The following EYS variants were observed in gnomAD, a reference collection of about 807,000 sequenced individuals.
EYS encodes the protein protein eyes shut homolog.
Under a neutral mutation model 282.1 loss-of-function variants are expected in EYS, and 250 were observed. The observed-to-expected ratio is 0.89, with a 90% CI of 0.80 to 0.98. EYS has a LOEUF of 0.98. EYS is among the 50% of genes least tolerant of loss of function. The pLI is 0.00. For synonymous variants in EYS, 1,355 were observed against 1,282.9 expected, an observed-to-expected ratio of 1.06 and a Z score of -1.20; for missense variants, 4,016 against 3,709.0, an observed-to-expected ratio of 1.08 and a Z score of -2.15.
At chr6:65,154,112 G>C (rs1439137036) in intron 12 of EYS, among the ~76,000 whole-genome samples, 1 of 151,708 alleles carries the variant, frequency 6.6e-6, no homozygotes, top group African/African-American at 2.4e-5. Flanking sequence ...GGAAAAGAGG[G>C]CTCAAGTCTT....
At chr6:65,004,568 AT>A (rs1771578796) in intron 13 of EYS, among the ~76,000 whole-genome samples, 1 of 147,728 alleles carries the variant, frequency 6.8e-6, no homozygotes, top group African/African-American at 2.4e-5. Flanking sequence ...AAGGGGAAAC[AT>A]TTCCAAATCC....
intron 12 of EYS, among the ~76,000 whole-genome samples, chr6:65,214,416 G>A (rs573008819): frequency 6.6e-6 from 1 of 152,240 alleles, no homozygotes; most frequent in African/African-American, 2.4e-5. Context: ...CTAACCCAGG[G>A]CAAGGCCCTA....
At position 64,873,658 on chromosome 6, in the gene EYS, T is replaced by C. The variant is rs1766660240; in HGVS notation, c.2992+13039A>G. On this transcript the variant is annotated intron_variant, in intron 19 of 42. Coordinates refer to ENST00000503581, the MANE Select transcript of EYS (RefSeq NM_001142800.2). Reference sequence around the variant, plus strand: ...ATAGTTAATAATAATGTATTGCATATATCAAAATTGCTTAAAAATAGATTT... The same window carrying C: ...ATAGTTAATAATAATGTATTGCATACATCAAAATTGCTTAAAAATAGATTT... 2.0e-5 allele frequency among the ~76,000 whole-genome samples: 3 copies of C among 152,178 alleles called. No individual in the cohort carries two copies. The South Asian group carries it at 6.2e-4, about 32-fold the overall frequency.
At chr6:65,498,240 G>A (rs1039014037) in intron 2 of EYS, among the ~76,000 whole-genome samples, 3 of 151,970 alleles carry the variant, frequency 2.0e-5, no homozygotes, top group Non-Finnish European at 4.4e-5. Context: ...AATCACAAGA[G>A]AGAAAGTGAG....
chr6:64,212,659 G>C (rs1186012935), intron 31 of EYS, among the ~76,000 whole-genome samples: 1 of 151,896 alleles, frequency 6.6e-6, no homozygotes, highest in African/African-American at 2.4e-5. Context: ...TACACTGTTG[G>C]TGGGAGTGTA....
intron 2 of EYS, among the ~76,000 whole-genome samples, chr6:65,549,599 A>G (rs956822138): frequency 6.6e-6 from 1 of 152,212 alleles, no homozygotes; most frequent in Non-Finnish European, 1.5e-5. Flanking sequence ...ACAGGGTACC[A>G]CACAGAGAAG....
At chr6:64,445,358 A>G (rs1775084610) in intron 26 of EYS, among the ~76,000 whole-genome samples, 1 of 152,120 alleles carries the variant, frequency 6.6e-6, no homozygotes. Flanking sequence ...AATTCTATAC[A>G]TTTTTATTGT....
At position 64,280,148 on chromosome 6, in the gene EYS, C is replaced by T. The variant is rs985738652; in HGVS notation, c.6191+26822G>A. ...ACATAACTGTTGGTAGAAATGTAAG[C>T]ATGTATTCTTAAATAAAAATATCAA... On this transcript the variant is annotated intron_variant, in intron 30 of 42. Transcript: ENST00000503581. Among the ~76,000 whole-genome samples, 7 of 152,116 alleles carry T rather than the reference C, an allele frequency of 4.6e-5. No homozygotes were observed. The South Asian group carries it at 1.2e-3, about 27-fold the overall frequency.
chr6:64,922,097 A>AT (rs1402981004), intron 15 of EYS, among the ~76,000 whole-genome samples: 6 of 152,250 alleles, frequency 3.9e-5, no homozygotes, highest in African/African-American at 1.4e-4. Context: ...GGGCCCATGA[A>AT]GGAAAATCAG....
At chr6:64,846,979 T>C (rs1216110039) in intron 19 of EYS, among the ~76,000 whole-genome samples, 1 of 151,088 alleles carries the variant, frequency 6.6e-6, no homozygotes, top group African/African-American at 2.4e-5. Flanking sequence ...CATTCAAATC[T>C]GTAAACTGAG....
At chr6:64,679,355 A>C (rs929430231) in intron 22 of EYS, among the ~76,000 whole-genome samples, 1 of 152,038 alleles carries the variant, frequency 6.6e-6, no homozygotes, top group Non-Finnish European at 1.5e-5. Flanking sequence ...TTATTCAAGT[A>C]CTCCATAATC....
At position 65,543,625 on chromosome 6, in the gene EYS, A is replaced by G. The variant is rs555042834; in HGVS notation, c.-332-47632T>C. 2.6e-5 allele frequency among the ~76,000 whole-genome samples: 4 copies of G among 152,020 alleles called. No individual in the cohort carries two copies. The East Asian group carries it at 7.7e-4, about 29-fold the overall frequency. On this transcript the variant is annotated intron_variant, in intron 2 of 42. Transcript: ENST00000503581. ...TGTTGTTTTGCTTTGTAATCACTTC[A>G]ATCTTTGTTATTCATTAATCTTCTC...
intron 31 of EYS, among the ~76,000 whole-genome samples, chr6:64,177,336 A>T (rs1300401098): frequency 6.6e-6 from 1 of 150,670 alleles, no homozygotes; most frequent in African/African-American, 2.4e-5. Flanking sequence ...CACACACTGT[A>T]TATATATATA....
chr6:64,510,600 A>G (rs754541205), intron 26 of EYS, among the ~76,000 whole-genome samples: 1 of 152,196 alleles, frequency 6.6e-6, no homozygotes, highest in Non-Finnish European at 1.5e-5. Flanking sequence ...AAGGTTGACT[A>G]TTAGTGCGCT....
chr6:64,928,208 A>G (rs1383270584), intron 15 of EYS, among the ~76,000 whole-genome samples: 1 of 152,136 alleles, frequency 6.6e-6, no homozygotes, highest in African/African-American at 2.4e-5. Flanking sequence ...AGAGTAAGGG[A>G]AAAAGTCTAC....
At chr6:64,570,264 G>A (rs1353762427) in intron 26 of EYS, among the ~76,000 whole-genome samples, 1 of 152,094 alleles carries the variant, frequency 6.6e-6, no homozygotes, top group Non-Finnish European at 1.5e-5. Context: ...TCACCCCCAG[G>A]CCTGCCTTAC....
intron 41 of EYS, among the ~76,000 whole-genome samples, chr6:63,748,607 G>T (rs545715731): frequency 2.6e-5 from 4 of 152,046 alleles, no homozygotes; most frequent in East Asian, 1.9e-4. Flanking sequence ...CTGTGAATCT[G>T]TCTGGTCCTG....
intron 33 of EYS, among the ~76,000 whole-genome samples, chr6:64,027,339 A>T (rs1216288105): frequency 2.0e-5 from 3 of 152,170 alleles, no homozygotes; most frequent in African/African-American, 7.2e-5. Flanking sequence ...CCTTAAGAAA[A>T]TATACTCCCC....
chr6:65,244,529 T>TTATTTATTATC (rs1562046451), intron 12 of EYS, among the ~76,000 whole-genome samples: 2 of 152,014 alleles, frequency 1.3e-5, no homozygotes, highest in African/African-American at 4.8e-5. Context: ...TATTTATTAT[T>TTATTTATTATC]TGAGACCAAG....
Sources: allele counts gnomAD v4.1 joint callset (sites outside exome capture counted in the v4.1 genomes callset), GRCh38; gene constraint gnomAD v4.1.1; transcripts MANE v1.5; gene names NCBI Gene and HGNC (gene_info 2026-07-23, HGNC 2026-07-21).